Variants in SYTL2 observed in about 807,000 individuals in gnomAD.
The protein encoded by SYTL2 is synaptotagmin-like protein 2.
A neutral mutation model predicts 198.7 loss-of-function variants in SYTL2; 165 were observed. That is an observed-to-expected ratio of 0.83 (90% CI 0.73 to 0.94). The LOEUF (loss-of-function observed/expected upper bound fraction) is 0.94. Ranked by LOEUF, SYTL2 falls within the 40% of genes least tolerant of loss-of-function variation. SYTL2 has a pLI of 0.00. For synonymous variants in SYTL2, 966 were observed against 917.7 expected, an observed-to-expected ratio of 1.05 and a Z score of -0.95; for missense variants, 2,835 against 2,582.8, an observed-to-expected ratio of 1.10 and a Z score of -2.12.
intron 1 of SYTL2, among the ~76,000 whole-genome samples, chr11:85,787,695 C>CCTTTTTTTTTTTTTTTTTGTTTTTT (rs1566023900): frequency 9.7e-6 from 1 of 102,694 alleles, no homozygotes; most frequent in Non-Finnish European, 2.0e-5. Context: ...GTTTTTTTTT[C>CCTTTTTTTTTTTTTTTTTGTTTTTT]TTTTCCTTTT....
chr11:85,710,985 T>C, intron 13 of SYTL2, 128 bp downstream of exon 13: 1 of 989,274 alleles, frequency 1.0e-6, no homozygotes, highest in Non-Finnish European at 1.4e-6. Context: ...AGAAGCTAAT[T>C]ATGGATTAGA....
rs1330528956 is a variant in SYTL2 at position 85,727,601 on chromosome 11, A to T, written c.1757T>A (p.Val586Glu). The change falls in exon 8 of 20, where the codon GTG becomes GAG. Residue 586 changes from valine (V) to glutamate (E), a missense_variant. By Grantham distance (121) the Val-to-Glu change is moderately radical (BLOSUM62 -2). Around this residue, in one of 3 missense-constraint regions of SYTL2, gnomAD observed 2,645 missense variants for 2,381.7 expected, o/e 1.11. Transcript: ENST00000359152. ...TGCTTGGAATGGTGAGTCAGATCTC[A>T]CAGGCTTCAATTCAATTTTGCTGGG... ...LSPSKIELKP[V>E]RSDSPFQAEG... The T allele has an allele frequency of 3.9e-6, 6 of 1,536,090 alleles. No homozygotes were observed. The East Asian group carries it at 1.5e-4, about 38-fold the overall frequency.
intron 1 of SYTL2, among the ~76,000 whole-genome samples, chr11:85,791,193 A>AC (rs1566028738): frequency 2.7e-5 from 4 of 150,220 alleles, no homozygotes; most frequent in African/African-American, 9.9e-5. Flanking sequence ...AAAAAAAAAA[A>AC]AACAACCTTA....
chr11:85,755,682 C>A (rs1447594876), intron 2 of SYTL2, among the ~76,000 whole-genome samples: 1 of 152,076 alleles, frequency 6.6e-6, no homozygotes, highest in Admixed American at 6.6e-5. Context: ...ATGCAAGTGC[C>A]CAAGAAACAC....
intron 6 of SYTL2, among the ~76,000 whole-genome samples, chr11:85,735,642 A>C (rs2090266621): frequency 6.6e-6 from 1 of 152,098 alleles, no homozygotes; most frequent in East Asian, 1.9e-4. Context: ...CTGTAGTCCC[A>C]GCTACTCAGA....
intron 3 of SYTL2, 138 bp downstream of exon 3, chr11:85,748,134 T>C: frequency 9.7e-7 from 1 of 1,029,646 alleles, no homozygotes; most frequent in Admixed American, 2.4e-5. Context: ...AAGGGAAATT[T>C]AAACTAGAGG....
the SYTL2 span, among the ~76,000 whole-genome samples, chr11:85,827,611 C>T: frequency 3.3e-5 from 5 of 152,154 alleles, no homozygotes; most frequent in Admixed American, 3.3e-4. Flanking sequence ...GTTTTGTCCA[C>T]TGTGGCCAGC....
At chr11:85,838,091 C>G in the SYTL2 span, among the ~76,000 whole-genome samples, 1 of 152,200 alleles carries the variant, frequency 6.6e-6, no homozygotes, top group East Asian at 1.9e-4. Context: ...TCCGGGGGAA[C>G]AAAATCACTC....
chr11:85,721,003 A>AC (rs748021909), intron 8 of SYTL2, 44 bp from the exon 9 acceptor site: 1 of 1,213,770 alleles, frequency 8.2e-7, no homozygotes, highest in East Asian at 2.3e-5. Context: ...ATACCAAAAA[A>AC]AAAAAAAATC....
intron 10 of SYTL2, 106 bp downstream of exon 10, chr11:85,718,684 G>T: frequency 2.1e-6 from 2 of 938,234 alleles, no homozygotes; most frequent in Non-Finnish European, 3.3e-6. Context: ...CCACATAGTG[G>T]CAAATGACGT....
At chr11:85,833,219 A>T in the SYTL2 span, among the ~76,000 whole-genome samples, 1 of 149,970 alleles carries the variant, frequency 6.7e-6, no homozygotes, top group Non-Finnish European at 1.5e-5. Context: ...ACAATCCTTT[A>T]AAAAAATTAT....
chr11:85,714,268 A>G, intron 12 of SYTL2, 145 bp downstream of exon 12: 1 of 631,692 alleles, frequency 1.6e-6, no homozygotes, highest in Non-Finnish European at 2.8e-6. Flanking sequence ...GATGAACAAC[A>G]CTACTTCTAT....
upstream of SYTL2, among the ~76,000 whole-genome samples, chr11:85,812,553 CAA>C (rs1399815462): frequency 2.0e-5 from 3 of 152,126 alleles, no homozygotes; most frequent in Non-Finnish European, 4.4e-5. Flanking sequence ...AATAGGTTGA[CAA>C]AGTGTTGTAG....
chr11:85,809,288 A>C (rs1779726375), intron 1 of SYTL2, among the ~76,000 whole-genome samples: 1 of 152,222 alleles, frequency 6.6e-6, no homozygotes, highest in Non-Finnish European at 1.5e-5. Context: ...AGGATAAAGC[A>C]AACAGGGCCC....
chr11:85,758,249 G>A (rs1310692684), intron 1 of SYTL2, 135 bp from the exon 2 acceptor site: 2 of 152,734 alleles, frequency 1.3e-5, no homozygotes, highest in African/African-American at 4.8e-5. Context: ...CCAGCTTCCT[G>A]AGCAAATGGT....
At chr11:85,755,604 C>T (rs1381684504) in intron 2 of SYTL2, among the ~76,000 whole-genome samples, 3 of 152,188 alleles carry the variant, frequency 2.0e-5, no homozygotes, top group Non-Finnish European at 4.4e-5. Context: ...AGGGTACACA[C>T]TCACACCCCT....
intron 17 of SYTL2, among the ~76,000 whole-genome samples, chr11:85,699,776 A>G (rs1386003723): frequency 6.6e-6 from 1 of 152,204 alleles, no homozygotes; most frequent in African/African-American, 2.4e-5. Context: ...GAAATGGAGC[A>G]AGGAGCTGGC....
the SYTL2 span, among the ~76,000 whole-genome samples, chr11:85,820,726 T>C: frequency 1.3e-5 from 2 of 152,252 alleles, no homozygotes; most frequent in African/African-American, 4.8e-5. Context: ...GTGTATCTCC[T>C]ATTCCTCAGC....
intron 14 of SYTL2, 87 bp downstream of exon 14, chr11:85,709,244 C>T: frequency 7.4e-7 from 1 of 1,346,430 alleles, no homozygotes; most frequent in Non-Finnish European, 1.1e-6. Flanking sequence ...ACCCTCCCTC[C>T]TCTTGATTAC....
Sources: allele counts gnomAD v4.1 joint callset (sites outside exome capture counted in the v4.1 genomes callset), GRCh38; gene constraint gnomAD v4.1.1; regional missense constraint gnomAD v4.1.1; transcripts MANE v1.5; gene names NCBI Gene and HGNC (gene_info 2026-07-23, HGNC 2026-07-21).